LAMA2: variants seen among roughly 807,000 people sequenced by gnomAD.
LAMA2 encodes laminin subunit alpha-2.
Under a neutral mutation model 364.8 loss-of-function variants are expected in LAMA2, and 269 were observed. The ratio of observed to expected loss-of-function variants is 0.74; its 90% CI spans 0.67 to 0.82. LAMA2 has a LOEUF of 0.82. Ranked by LOEUF, LAMA2 falls within the 40% of genes least tolerant of loss-of-function variation. The pLI is 0.00. For synonymous variants in LAMA2, 1,379 were observed against 1,370.6 expected, an observed-to-expected ratio of 1.01 and a Z score of -0.14; for missense variants, 3,807 against 3,873.2, an observed-to-expected ratio of 0.98 and a Z score of 0.45.
In LAMA2 at chr6:128,894,057, A is replaced by G. The variant is rs1562804769; in HGVS notation, c.112+10700A>G. ...TCAGTGCCTTTTAAGATAGCTGTAAATATTCTTTGATTCTATACCAAAACT... is the reference window on the plus strand; with the variant it reads ...TCAGTGCCTTTTAAGATAGCTGTAAGTATTCTTTGATTCTATACCAAAACT... On this transcript the variant is annotated intron_variant, in intron 1 of 64. Transcript: ENST00000421865. Among the ~76,000 whole-genome samples the G allele has an allele frequency of 2.0e-5, 3 of 152,278 alleles. No individual in the cohort carries two copies. In the East Asian group the frequency reaches 5.8e-4, roughly 29 times the overall value.
chr6:129,360,273 T>A (rs951161261), intron 32 of LAMA2, among the ~76,000 whole-genome samples: 5 of 152,212 alleles, frequency 3.3e-5, no homozygotes, highest in African/African-American at 1.2e-4. Context: ...CTACACACTC[T>A]TCAGATTTTC....
At chr6:129,260,479 T>TTCTCATA (rs1471553401) in intron 14 of LAMA2, among the ~76,000 whole-genome samples, 1 of 151,942 alleles carries the variant, frequency 6.6e-6, no homozygotes, top group Non-Finnish European at 1.5e-5. Flanking sequence ...AGGAAGAACA[T>TTCTCATA]TCTCATATCT....
chr6:129,427,265 A>C (rs905921400), intron 40 of LAMA2, among the ~76,000 whole-genome samples: 1 of 152,212 alleles, frequency 6.6e-6, no homozygotes, highest in African/African-American at 2.4e-5. Flanking sequence ...TGGGAGATAC[A>C]GGAAATGCTC....
At chr6:129,438,006 C>A (rs1781918339) in intron 41 of LAMA2, among the ~76,000 whole-genome samples, 1 of 151,512 alleles carries the variant, frequency 6.6e-6, no homozygotes, top group African/African-American at 2.4e-5. Flanking sequence ...TAGCAAATGG[C>A]ATTTTTGAAT....
intron 1 of LAMA2, chr6:128,929,575 C>A: frequency 8.9e-7 from 1 of 1,120,886 alleles, no homozygotes; most frequent in Non-Finnish European, 1.4e-6. Flanking sequence ...AGACTTGATC[C>A]TGCAGTTCTG....
chr6:129,492,676 A>T (rs1201700662), intron 58 of LAMA2, among the ~76,000 whole-genome samples, 193 bp downstream of exon 58: 1 of 152,248 alleles, frequency 6.6e-6, no homozygotes, highest in Non-Finnish European at 1.5e-5. Context: ...TGTTTACAAA[A>T]CAGTACATTT....
At chr6:129,172,688 T>C (rs1019025613) in intron 9 of LAMA2, among the ~76,000 whole-genome samples, 3 of 152,230 alleles carry the variant, frequency 2.0e-5, no homozygotes, top group African/African-American at 7.2e-5. Flanking sequence ...CCTTGAGCTG[T>C]GGTGGGCTCC....
chr6:129,241,489 A>G (rs1785392909), intron 12 of LAMA2, among the ~76,000 whole-genome samples: 1 of 152,176 alleles, frequency 6.6e-6, no homozygotes, highest in Non-Finnish European at 1.5e-5. Flanking sequence ...GGGGAGTTTT[A>G]TGTTTATTTT....
In LAMA2 at chr6:129,396,913, C is replaced by G. The variant is rs533123925; in HGVS notation, c.5445+3658C>G. ...ATTGCTTGAGCCCAGAAGTTTGAGC[C>G]TGCAGTGAGCTGTGATCATGCCACA... On this transcript the variant is annotated intron_variant, in intron 37 of 64. Coordinates refer to ENST00000421865, the MANE Select transcript of LAMA2 (RefSeq NM_000426.4). 5.2e-4 allele frequency among the ~76,000 whole-genome samples: 77 copies of G among 149,404 alleles called. 1 individual carries two copies. Among genetic ancestry groups the G allele is most frequent in the African/African-American group, 1.8e-3 (72 of 40,488 alleles).
intron 1 of LAMA2, among the ~76,000 whole-genome samples, chr6:128,918,466 A>G (rs1425243226): frequency 2.0e-5 from 3 of 152,212 alleles, no homozygotes; most frequent in Non-Finnish European, 4.4e-5. Context: ...AGAAATAAAC[A>G]AATATTGGAA....
At chr6:129,292,426 T>A (rs561640723) in intron 20 of LAMA2, among the ~76,000 whole-genome samples, 4 of 152,382 alleles carry the variant, frequency 2.6e-5, no homozygotes, top group African/African-American at 9.6e-5. Context: ...TAAAAGCTAC[T>A]TCCTGTGAGC....
At chr6:129,326,571 A>G (rs1261634448) in intron 28 of LAMA2, among the ~76,000 whole-genome samples, 1 of 151,492 alleles carries the variant, frequency 6.6e-6, no homozygotes, top group Non-Finnish European at 1.5e-5. Context: ...TTTTACACAA[A>G]TTTTTACAGA....
chr6:129,371,710 G>T (rs922959309), intron 34 of LAMA2, among the ~76,000 whole-genome samples: 1 of 151,208 alleles, frequency 6.6e-6, no homozygotes. Context: ...GGGTTCAAGT[G>T]ATTTTCCTGC....
At chr6:129,509,158 G>A (rs1451391753) in intron 62 of LAMA2, among the ~76,000 whole-genome samples, 1 of 152,082 alleles carries the variant, frequency 6.6e-6, no homozygotes, top group Non-Finnish European at 1.5e-5. Context: ...CTTCTTTTGA[G>A]AAATGTCTAT....
At chr6:129,075,817 G>T (rs1773597230) in intron 3 of LAMA2, among the ~76,000 whole-genome samples, 1 of 152,098 alleles carries the variant, frequency 6.6e-6, no homozygotes, top group Non-Finnish European at 1.5e-5. Context: ...TGCCAGGCAT[G>T]GTGGCTCACT....
At chr6:129,235,195 A>G (rs1784907835) in intron 12 of LAMA2, among the ~76,000 whole-genome samples, 1 of 152,186 alleles carries the variant, frequency 6.6e-6, no homozygotes, top group African/African-American at 2.4e-5. Flanking sequence ...GTACAAAATA[A>G]ACATTAGGTA....
intron 28 of LAMA2, among the ~76,000 whole-genome samples, chr6:129,321,180 G>A (rs115555297): frequency 0.022 from 3,340 of 151,954 alleles, 133 homozygotes; most frequent in African/African-American, 0.078. Flanking sequence ...TTTTAAAACT[G>A]CTTTTCAATA....
At chr6:128,956,808 G>C (rs529554738) in intron 1 of LAMA2, among the ~76,000 whole-genome samples, 54 of 148,006 alleles carry the variant, frequency 3.6e-4, no homozygotes, top group Non-Finnish European at 6.6e-4. Flanking sequence ...TCACGAAGAA[G>C]GTATTTTTTT....
At chr6:128,960,378 C>G (rs1420758502) in intron 1 of LAMA2, among the ~76,000 whole-genome samples, 1 of 149,786 alleles carries the variant, frequency 6.7e-6, no homozygotes, top group Non-Finnish European at 1.5e-5. Flanking sequence ...CGCTCTTGTC[C>G]CCCAGGCTGG....
Sources: gnomAD v4.1 joint callset for allele counts (sites outside exome capture counted in the v4.1 genomes callset) on GRCh38, gnomAD v4.1.1 for gene constraint, MANE v1.5 for transcripts, NCBI Gene and HGNC (gene_info 2026-07-23, HGNC 2026-07-21) for gene names.